FBXO38: variants seen among roughly 807,000 people sequenced by gnomAD.
FBXO38 encodes the protein F-box protein 38, also known as F-box only protein 38.
A neutral mutation model predicts 131.9 loss-of-function variants in FBXO38; 53 were observed. That is an observed-to-expected ratio of 0.40 (90% CI 0.32 to 0.51). FBXO38 has a LOEUF of 0.51. Ranked by LOEUF, FBXO38 falls within the 20% of genes least tolerant of loss-of-function variation. FBXO38 has a pLI of 0.53. For missense variants in FBXO38, 1,076 were observed against 1,475.6 expected, an observed-to-expected ratio of 0.73 and a Z score of 4.44; for synonymous variants, 452 against 505.6, an observed-to-expected ratio of 0.89 and a Z score of 1.42.
At chr5:148,409,972 T>G (rs1223059796) in intron 8 of FBXO38, among the ~76,000 whole-genome samples, 1 of 152,238 alleles carries the variant, frequency 6.6e-6, no homozygotes, top group Non-Finnish European at 1.5e-5. Context: ...TCTTCAGGTT[T>G]AGTAAAGCAC....
intron 2 of FBXO38, among the ~76,000 whole-genome samples, chr5:148,398,151 G>A (rs951250307): frequency 6.6e-6 from 1 of 152,092 alleles, no homozygotes; most frequent in African/African-American, 2.4e-5. Context: ...GAACCAGCTA[G>A]TTACCTCTTA....
At chr5:148,388,198 A>T (rs184211368) in intron 1 of FBXO38, among the ~76,000 whole-genome samples, 1 of 152,182 alleles carries the variant, frequency 6.6e-6, no homozygotes, top group African/African-American at 2.4e-5. Context: ...AGATCTTAGT[A>T]GAAGTCTTAT....
Position 148,427,807 on chromosome 5 carries a change from G to T in FBXO38, c.2513G>T (p.Gly838Val). The T allele has an allele frequency of 1.2e-6, 2 of 1,608,916 alleles. No homozygotes were observed. Among genetic ancestry groups the T allele is most frequent in the Non-Finnish European group, 8.5e-7 (1 of 1,177,370 alleles). Residue 838 changes from glycine to valine, a missense_variant, in exon 15 of 22, where the codon GGC becomes GTC. Physicochemically the swap from Gly to Val is moderately radical, Grantham distance 109. Transcript: ENST00000340253. ...CATGATGAGAGGACTAATGGGAGTG[G>T]CTCTGGGGCTACAGGTGAGGACAGG... is the stretch of plus-strand genomic sequence containing the variant. The part of the protein sequence containing the change: ...PAHDERTNGS[G>V]SGATGEDRRG...
In FBXO38 at chr5:148,427,962, C is replaced by T. The variant is rs757626648; in HGVS notation, c.2653+15C>T. ...ATCTGAGTCAGGTATGACAATGCTC[C>T]TAGGATTAGCAACTGCAGGGTAGGG... is the stretch of plus-strand genomic sequence containing the variant. On this transcript the variant is annotated intron_variant, in intron 15 of 21. Coordinates refer to ENST00000340253, the MANE Select transcript of FBXO38 (RefSeq NM_205836.3). The T allele has an allele frequency of 2.0e-6, 3 of 1,489,108 alleles. No individual in the cohort carries two copies. Among genetic ancestry groups the T allele is most frequent in the African/African-American group, 1.4e-5 (1 of 71,338 alleles). The allele number at this position is 1,489,108 out of a possible 1,614,324, so 92.2% of individuals were successfully genotyped here. A position where few individuals can be genotyped will look rare whatever the true frequency, so the allele number is the denominator to read the frequency against.
At chr5:148,430,956 G>A (rs1312099812) in intron 15 of FBXO38, 3 of 152,154 alleles carry the variant, frequency 2.0e-5, no homozygotes, top group Non-Finnish European at 4.4e-5. Flanking sequence ...CACTTTCCCT[G>A]ACACCCCAAG....
chr5:148,413,495 G>A (rs995262607), intron 9 of FBXO38: 2 of 152,310 alleles, frequency 1.3e-5, no homozygotes, highest in African/African-American at 4.8e-5. Context: ...TGGGAGAAAT[G>A]ATAAGAGGCA....
rs556000378 is a variant in FBXO38, at chr5:148,410,436, C to T, written c.963-199C>T. 26 of 594,356 alleles carry T rather than the reference C, an allele frequency of 4.4e-5. 1 individual carries two copies. In the South Asian group the frequency reaches 5.8e-4, roughly 13 times the overall value. 36.8% of individuals were successfully genotyped at this position (594,356 alleles called of 1,614,324 possible). A position where few individuals can be genotyped will look rare whatever the true frequency, so the allele number is the denominator to read the frequency against. ...GCCATCAGTCAAGATGTGACTTGCT[C>T]CTTTTTGCCTTCAGCCATGTTCGTG... On this transcript the variant is annotated intron_variant, in intron 8 of 21. Transcript: ENST00000340253.
rs1185199565 is a variant in FBXO38, at chr5:148,442,548, C to T, written c.*401C>T. The T allele has an allele frequency of 6.4e-6, 1 of 156,116 alleles. No individual in the cohort carries two copies. The highest frequency in any genetic ancestry group is 1.9e-4 in the East Asian group (1 of 5,312). The allele number at this position is 156,116 out of a possible 1,614,324, so 9.7% of individuals were successfully genotyped here. A position where few individuals can be genotyped will look rare whatever the true frequency, so the allele number is the denominator to read the frequency against. ...TCTTGAGCGAAGCTGTTTGAGTAAA[C>T]CTGTTGAAGAGTGTTTGTGTCTTTT... On this transcript the variant is annotated 3_prime_UTR_variant, in exon 22 of 22. Coordinates refer to ENST00000340253, the MANE Select transcript of FBXO38 (RefSeq NM_205836.3).
chr5:148,440,512 A>G lies in FBXO38; in HGVS notation c.3259A>G (p.Ile1087Val). Residue 1087 changes from isoleucine (I) to valine (V), a missense_variant, in exon 20 of 22, where the codon ATC becomes GTC. Physicochemically the swap from Ile to Val is conservative, Grantham distance 29. Around this residue, in one of 8 missense-constraint regions of FBXO38, gnomAD observed 282 missense variants for 418.8 expected, o/e 0.67. Transcript: ENST00000340253. ...CCCCAAGTACCCCTGGGGGAGAGAAATCTATACTTTAGAAGGTGAGTATTT... is the reference window on the plus strand; with the variant it reads ...CCCCAAGTACCCCTGGGGGAGAGAAGTCTATACTTTAGAAGGTGAGTATTT... ...KYPKYPWGREIYTLEGVVDGA... is the reference protein window; with the variant it reads ...KYPKYPWGREVYTLEGVVDGA... 6.3e-7 allele frequency: 1 copy of G among 1,596,160 alleles called. No individual in the cohort carries two copies. Among genetic ancestry groups the G allele is most frequent in the Non-Finnish European group, 8.6e-7 (1 of 1,164,090 alleles).
intron 2 of FBXO38, 65 bp from the exon 3 acceptor site, chr5:148,398,934 A>G (rs78091953): frequency 6.4e-7 from 1 of 1,571,762 alleles, no homozygotes; most frequent in East Asian, 2.2e-5. Context: ...GGAAAAAAAA[A>G]TAACTTACTG....
intron 3 of FBXO38, among the ~76,000 whole-genome samples, chr5:148,400,961 C>T (rs1265983722): frequency 2.0e-5 from 3 of 152,118 alleles, no homozygotes. Flanking sequence ...GTAATAAGAA[C>T]TGTTATTATA....
chr5:148,395,757 T>C (rs1758447658), intron 2 of FBXO38, among the ~76,000 whole-genome samples: 1 of 152,138 alleles, frequency 6.6e-6, no homozygotes, highest in Non-Finnish European at 1.5e-5. Context: ...TTTTTCATAT[T>C]GCTACATGGT....
chr5:148,435,693 C>G (rs761059128), intron 17 of FBXO38, among the ~76,000 whole-genome samples: 12 of 152,126 alleles, frequency 7.9e-5, no homozygotes, highest in Non-Finnish European at 1.8e-4. Context: ...TGGCATGAAC[C>G]CGGTAGGCGG....
At chr5:148,391,381 C>T (rs1245031004) in intron 1 of FBXO38, among the ~76,000 whole-genome samples, 1 of 152,138 alleles carries the variant, frequency 6.6e-6, no homozygotes, top group Non-Finnish European at 1.5e-5. Context: ...ACACAAACTG[C>T]TGTGGAAGCA....
chr5:148,417,976 A>G (rs10055430), intron 12 of FBXO38, among the ~76,000 whole-genome samples: 53,816 of 151,936 alleles, frequency 0.35, 10,184 homozygotes, highest in East Asian at 0.58. Context: ...TTTACAATGA[A>G]ATGTACTGTG....
In FBXO38 at chr5:148,442,481, C is replaced by G. The variant is rs1026376713; in HGVS notation, c.*334C>G. On this transcript the variant is annotated 3_prime_UTR_variant, in exon 22 of 22. Transcript: ENST00000340253. ...TGACTGAGTCTCCATTTACTTCATT[C>G]TTAATGATTATTGTCATCCCTTTAA... 5.8e-6 allele frequency: 1 copy of G among 172,310 alleles called. No individual in the cohort carries two copies. Among genetic ancestry groups the G allele is most frequent in the African/African-American group, 2.4e-5 (1 of 42,092 alleles). The allele number at this position is 172,310 out of a possible 1,614,324, so 10.7% of individuals were successfully genotyped here. A position where few individuals can be genotyped will look rare whatever the true frequency, so the allele number is the denominator to read the frequency against.
Position 148,427,811 on chromosome 5 carries a change from T to A in FBXO38, c.2517T>A (p.Ser839=). ...ATGAGAGGACTAATGGGAGTGGCTC[T>A]GGGGCTACAGGTGAGGACAGGAGGG... ...AHDERTNGSG[S]GATGEDRRGS... is the part of the protein sequence containing the mutation. The change falls in exon 15 of 22, where the codon TCT becomes TCA. Residue 839 remains serine, a synonymous_variant. Coordinates refer to ENST00000340253, the MANE Select transcript of FBXO38 (RefSeq NM_205836.3). 6.2e-7 allele frequency: 1 copy of A among 1,608,766 alleles called. No individual in the cohort carries two copies. The highest frequency in any genetic ancestry group is 8.5e-7 in the Non-Finnish European group (1 of 1,177,330).
chr5:148,430,105 CAAG>C lies in FBXO38; in HGVS notation c.2653+2162_2653+2164del, dbSNP rs534867019. ...TTATTAAAGTCCCTTTTGGAAAAAACAAGAAGTTATTTGGGTAGCTTACAAATT... is the reference window on the plus strand; with the variant it reads ...TTATTAAAGTCCCTTTTGGAAAAAACAAGTTATTTGGGTAGCTTACAAATT... On this transcript the variant is annotated intron_variant, in intron 15 of 21. Transcript: ENST00000340253. The C allele has an allele frequency of 2.1e-4, 32 of 149,820 alleles. No homozygotes were observed. In the South Asian group the frequency reaches 5.9e-3, roughly 28 times the overall value. 9.3% of individuals were successfully genotyped at this position (149,820 alleles called of 1,614,324 possible).
chr5:148,406,142 A>G (rs891076464), intron 6 of FBXO38, 115 bp from the exon 7 acceptor site: 4 of 1,006,880 alleles, frequency 4.0e-6, no homozygotes, highest in African/African-American at 3.3e-5. Flanking sequence ...CAGAGAGCCA[A>G]TTTGGCTGTC....
Sources: gnomAD v4.1 joint callset for allele counts (sites outside exome capture counted in the v4.1 genomes callset) on GRCh38, gnomAD v4.1.1 for gene constraint, gnomAD v4.1.1 regional missense constraint, MANE v1.5 for transcripts, NCBI Gene and HGNC (gene_info 2026-07-23, HGNC 2026-07-21) for gene names.